Variants in IGF2BP1 observed in about 807,000 individuals in gnomAD.
The protein encoded by IGF2BP1 is insulin like growth factor 2 mRNA binding protein 1.
A neutral mutation model predicts 74.9 loss-of-function variants in IGF2BP1; 11 were observed. The ratio of observed to expected loss-of-function variants is 0.15; its 90% CI spans 0.09 to 0.24. IGF2BP1 has a LOEUF of 0.24. Ranked by LOEUF, IGF2BP1 falls within the 10% of genes least tolerant of loss-of-function variation. The pLI, the probability that IGF2BP1 is intolerant of heterozygous loss-of-function variation, is 1.00. For missense variants in IGF2BP1, 440 were observed against 757.4 expected, an observed-to-expected ratio of 0.58 and a Z score of 4.92; for synonymous variants, 287 against 281.8, an observed-to-expected ratio of 1.02 and a Z score of -0.18.
chr17:49,027,463 A>C (rs923035349), intron 4 of IGF2BP1, among the ~76,000 whole-genome samples: 3 of 152,302 alleles, frequency 2.0e-5, no homozygotes, highest in African/African-American at 7.2e-5. Flanking sequence ...TAAAAAGCAG[A>C]GGATTTATTA....
chr17:49,018,946 C>T (rs1393067074), intron 2 of IGF2BP1, among the ~76,000 whole-genome samples: 1 of 152,082 alleles, frequency 6.6e-6, no homozygotes, highest in Admixed American at 6.5e-5. Context: ...AGATGAAAGT[C>T]CAGGCTTGAC....
chr17:48,997,533 T>C lies in IGF2BP1; in HGVS notation c.-213T>C. 1 of 530,834 alleles carries C rather than the reference T, an allele frequency of 1.9e-6. No individual in the cohort carries two copies. 32.9% of individuals were successfully genotyped at this position (530,834 alleles called of 1,614,324 possible). A position where few individuals can be genotyped will look rare whatever the true frequency, so the allele number is the denominator to read the frequency against. On this transcript the variant is annotated 5_prime_UTR_variant, in exon 1 of 15. Transcript: ENST00000290341. This position sits in a 1 kb window ranked among gnomAD's most constrained non-coding sequence, Gnocchi z 4.8. Reference sequence around the variant, plus strand: ...CCGTCTCCCTGCGCGCCGCGGGCACTTCTCCTGGGCTCTCCCCGAACTCTC... The same window carrying C: ...CCGTCTCCCTGCGCGCCGCGGGCACCTCTCCTGGGCTCTCCCCGAACTCTC...
chr17:49,046,020 C>T lies in IGF2BP1; in HGVS notation c.1526C>T (p.Thr509Met), dbSNP rs745882726. The T allele has an allele frequency of 6.2e-6, 10 of 1,613,850 alleles. No homozygotes were observed. Among genetic ancestry groups the T allele is most frequent in the African/African-American group, 1.3e-5 (1 of 75,032 alleles). ...CGGGTCATTGGCAAAGGTGGAAAAA[C>T]GGTGAGCTGTGAGGGCCAGGTTGAA... Reference protein sequence around the residue: ...AGRVIGKGGKTVNELQNLTAA... With the variant: ...AGRVIGKGGKMVNELQNLTAA... Residue 509 changes from threonine to methionine, a missense_variant and splice_region_variant, in exon 13 of 15, where the codon ACG becomes ATG. Physicochemically the swap from Thr to Met is moderately conservative, Grantham distance 81. Coordinates refer to ENST00000290341, the MANE Select transcript of IGF2BP1 (RefSeq NM_006546.4).
intron 1 of IGF2BP1, among the ~76,000 whole-genome samples, chr17:48,998,351 A>C (rs1187422711): frequency 2.0e-5 from 3 of 152,078 alleles, no homozygotes; most frequent in African/African-American, 7.2e-5. Context: ...AGGCCTTTCC[A>C]GGCGTGGAAG....
At chr17:49,018,452 GC>G (rs1248653358) in intron 2 of IGF2BP1, among the ~76,000 whole-genome samples, 1 of 152,158 alleles carries the variant, frequency 6.6e-6, no homozygotes, top group African/African-American at 2.4e-5. Flanking sequence ...TTGTTGAGAT[GC>G]CTGCAGCCAT....
chr17:49,037,272 T>C, intron 5 of IGF2BP1: 1 of 448,086 alleles, frequency 2.2e-6, no homozygotes, highest in Non-Finnish European at 4.2e-6. Flanking sequence ...GGTAGGAAAA[T>C]GCTGGAAAGA....
At chr17:49,033,434 C>G (rs1199139229) in intron 5 of IGF2BP1, among the ~76,000 whole-genome samples, 1 of 151,602 alleles carries the variant, frequency 6.6e-6, no homozygotes, top group Non-Finnish European at 1.5e-5. Context: ...CTTCACCTCC[C>G]AGGTTCAAGT....
intron 5 of IGF2BP1, among the ~76,000 whole-genome samples, chr17:49,032,706 A>G (rs1001640156): frequency 2.0e-5 from 3 of 152,120 alleles, no homozygotes; most frequent in African/African-American, 7.2e-5. Flanking sequence ...TTTCTTTTAG[A>G]TACCTCCTGG....
intron 2 of IGF2BP1, among the ~76,000 whole-genome samples, chr17:49,009,312 G>A (rs1242873251): frequency 1.3e-5 from 2 of 152,096 alleles, no homozygotes; most frequent in Non-Finnish European, 1.5e-5. Context: ...GATTACAGGC[G>A]TGAGCCACCG....
At chr17:49,046,485 C>A in intron 14 of IGF2BP1, 112 bp downstream of exon 14, 1 of 729,676 alleles carries the variant, frequency 1.4e-6, no homozygotes, top group Non-Finnish European at 2.3e-6. Context: ...GGGGCCTCAG[C>A]CACATCTGCC....
chr17:49,040,414 G>A, intron 7 of IGF2BP1, among the ~76,000 whole-genome samples: 1 of 152,028 alleles, frequency 6.6e-6, no homozygotes, highest in Non-Finnish European at 1.5e-5. Context: ...ATGGGGTGTC[G>A]CCATGTTACC....
At chr17:49,016,086 T>G (rs967181649) in intron 2 of IGF2BP1, among the ~76,000 whole-genome samples, 1 of 152,242 alleles carries the variant, frequency 6.6e-6, no homozygotes, top group African/African-American at 2.4e-5. Flanking sequence ...TGGCACGCAC[T>G]TAACCATACA....
At chr17:49,014,672 C>G (rs2041670110) in intron 2 of IGF2BP1, 1 of 644,470 alleles carries the variant, frequency 1.6e-6, no homozygotes, top group Admixed American at 6.3e-5. Flanking sequence ...TGGTTGGCAG[C>G]TAGGGGGAGA....
intron 2 of IGF2BP1, among the ~76,000 whole-genome samples, chr17:49,002,833 T>C (rs1480703541): frequency 2.0e-5 from 3 of 152,168 alleles, no homozygotes; most frequent in African/African-American, 4.8e-5. Context: ...AATTAAACTT[T>C]GCAAATTCAT....
intron 14 of IGF2BP1, among the ~76,000 whole-genome samples, chr17:49,048,825 C>G (rs1022325755): frequency 3.3e-5 from 5 of 152,176 alleles, no homozygotes; most frequent in Admixed American, 2.6e-4. Flanking sequence ...TGTGAAGGAT[C>G]TAGGTTGCAC....
chr17:49,038,793 G>A (rs1367899297), intron 6 of IGF2BP1, among the ~76,000 whole-genome samples: 2 of 152,046 alleles, frequency 1.3e-5, no homozygotes, highest in African/African-American at 4.8e-5. Context: ...TGTGGTAACA[G>A]GGCTGGCCAA....
intron 1 of IGF2BP1, 97 bp downstream of exon 1, chr17:48,998,017 C>T (rs2143895301): frequency 1.4e-6 from 2 of 1,428,146 alleles, no homozygotes; most frequent in Non-Finnish European, 1.9e-6. Context: ...TCCTCTCTTC[C>T]CGGGCCTGCG....
At chr17:48,998,630 C>T (rs1025082263) in intron 1 of IGF2BP1, among the ~76,000 whole-genome samples, 6 of 152,094 alleles carry the variant, frequency 3.9e-5, no homozygotes, top group African/African-American at 9.7e-5. Context: ...CCCAGGTCCA[C>T]CCCTTCCCAA....
chr17:49,038,589 C>A, intron 6 of IGF2BP1, 140 bp downstream of exon 6: 1 of 853,718 alleles, frequency 1.2e-6, no homozygotes. Context: ...GGGGTCCCTG[C>A]TTCCAATACC....
Sources: gnomAD v4.1 joint callset for allele counts (sites outside exome capture counted in the v4.1 genomes callset) on GRCh38, gnomAD v4.1.1 for gene constraint, Gnocchi (gnomAD v3.1) non-coding constraint, MANE v1.5 for transcripts, NCBI Gene and HGNC (gene_info 2026-07-23, HGNC 2026-07-21) for gene names.